FANCI: variants seen among roughly 807,000 people sequenced by gnomAD.
FANCI encodes the protein FA complementation group I.
A neutral mutation model predicts 176.1 loss-of-function variants in FANCI; 156 were observed. The observed-to-expected ratio is 0.89, with a 90% CI of 0.78 to 1.01. FANCI has a LOEUF of 1.01. FANCI is among the 50% of genes least tolerant of loss of function. The pLI is 0.00. For synonymous variants in FANCI, 613 were observed against 541.7 expected (o/e 1.13, Z -1.83); for missense variants, 1,678 against 1,534.1 (o/e 1.09, Z -1.57).
At chr15:89,308,727 C>G (rs544684040) in intron 34 of FANCI, among the ~76,000 whole-genome samples, 73 of 152,188 alleles carry the variant, frequency 4.8e-4, no homozygotes, top group African/African-American at 1.7e-3. Context: ...GGTGGATCAC[C>G]TGAGGTCAGG....
Position 89,305,585 on chromosome 15 carries a change from C to G in FANCI, c.3256-20C>G, listed in dbSNP as rs1190393680. ...CACAGCTGTGTGTAGTGAATCACAC[C>G]AGGCACTCTTTTCTTTCAGTTACTT... On this transcript the variant is annotated intron_variant, in intron 30 of 37. Coordinates refer to ENST00000310775, the MANE Select transcript of FANCI (RefSeq NM_001113378.2). The G allele has an allele frequency of 6.2e-7, 1 of 1,612,830 alleles. No individual in the cohort carries two copies. The highest frequency in any genetic ancestry group is 1.1e-5 in the South Asian group (1 of 91,032).
In FANCI at chr15:89,315,308, C is replaced by T; in HGVS notation, c.3843C>T (p.Leu1281=). Residue 1281 remains leucine, a synonymous_variant, in exon 37 of 38, where the codon CTC becomes CTT. Transcript: ENST00000310775. ...TGAACCTGATGCAGCACATGAAGCT[C>T]AGCACCTCACGAGACTTCAAGATCA... is the stretch of plus-strand genomic sequence containing the variant. ...SKVNLMQHMK[L]STSRDFKIKG... is the part of the protein sequence containing the mutation. The T allele has an allele frequency of 6.2e-7, 1 of 1,613,792 alleles. No homozygotes were observed. Among genetic ancestry groups the T allele is most frequent in the Non-Finnish European group, 8.5e-7 (1 of 1,179,662 alleles).
At chr15:89,253,746 A>G (rs1363108211) in intron 2 of FANCI, among the ~76,000 whole-genome samples, 1 of 141,284 alleles carries the variant, frequency 7.1e-6, no homozygotes, top group East Asian at 2.4e-4. Flanking sequence ...GTAACGTATC[A>G]CAGAAAAAGG....
intron 28 of FANCI, among the ~76,000 whole-genome samples, chr15:89,304,672 G>A (rs1423829976): frequency 1.3e-5 from 2 of 152,142 alleles, no homozygotes; most frequent in Non-Finnish European, 2.9e-5. Context: ...GTAACACTGG[G>A]ATGTTGTGCC....
Position 89,266,489 on chromosome 15 carries a change from C to T in FANCI, c.755+1882C>T, listed in dbSNP as rs140660726. 7.9e-5 allele frequency among the ~76,000 whole-genome samples: 12 copies of T among 151,828 alleles called. 1 individual carries two copies. In the South Asian group the frequency reaches 1.3e-3, roughly 16 times the overall value. ...GGTTACAGGTGCGTGCCACCACGCC[C>T]GGCTACTTTTTGTATTTTTAGTAGA... On this transcript the variant is annotated intron_variant, in intron 9 of 37. Coordinates refer to ENST00000310775, the MANE Select transcript of FANCI (RefSeq NM_001113378.2).
At chr15:89,304,976 A>G (rs2054661345) in intron 28 of FANCI, 139 bp from the exon 29 acceptor site, 5 of 883,732 alleles carry the variant, frequency 5.7e-6, no homozygotes, top group South Asian at 4.0e-5. Context: ...GGGTTTCTCC[A>G]TGTTGGTGAG....
At chr15:89,273,099 A>G (rs2053260774) in intron 10 of FANCI, among the ~76,000 whole-genome samples, 1 of 152,020 alleles carries the variant, frequency 6.6e-6, no homozygotes, top group Admixed American at 6.6e-5. Context: ...CAGGAGTTTG[A>G]GACTCTCCTG....
chr15:89,271,202 A>G (rs2053187454), intron 10 of FANCI, among the ~76,000 whole-genome samples: 1 of 152,060 alleles, frequency 6.6e-6, no homozygotes, highest in Admixed American at 6.6e-5. Flanking sequence ...TAAGCATGCA[A>G]TCCAGTGATT....
rs1247107200 is a variant in FANCI at position 89,314,659 on chromosome 15, C to T, written c.3768C>T (p.Ala1256=). 6.2e-7 allele frequency: 1 copy of T among 1,614,170 alleles called. No homozygotes were observed. The highest frequency in any genetic ancestry group is 1.1e-5 in the South Asian group (1 of 91,082). ...ETKPIPNLIF[A]IEQYEKFLIH... ...AGCCAATCCCTAACCTCATCTTTGC[C>T]ATAGAACAGTATGAAAAATTTCTCA... Residue 1256 remains alanine, a synonymous_variant, in exon 36 of 38, where the codon GCC becomes GCT. Coordinates refer to ENST00000310775, the MANE Select transcript of FANCI (RefSeq NM_001113378.2).
chr15:89,281,060 C>T, intron 14 of FANCI, 110 bp from the exon 15 acceptor site: 5 of 1,130,976 alleles, frequency 4.4e-6, no homozygotes, highest in Non-Finnish European at 6.5e-6. Context: ...GTATACTTGA[C>T]TTATTTGAGA....
chr15:89,314,220 C>T (rs771358927), intron 35 of FANCI, among the ~76,000 whole-genome samples: 13 of 152,036 alleles, frequency 8.6e-5, no homozygotes, highest in Non-Finnish European at 1.3e-4. Flanking sequence ...TTACAATTCA[C>T]GTTAGGGGGA....
intron 7 of FANCI, 140 bp from the exon 8 acceptor site, chr15:89,263,763 T>A (rs1414100367): frequency 8.9e-6 from 9 of 1,006,162 alleles, no homozygotes; most frequent in Admixed American, 2.2e-5. Context: ...TAATCTATTA[T>A]CTCTTTAATT....
At chr15:89,260,942 C>G in intron 4 of FANCI, 99 bp downstream of exon 4, 1 of 1,427,804 alleles carries the variant, frequency 7.0e-7, no homozygotes, top group Non-Finnish European at 9.8e-7. Flanking sequence ...TAGCATAGTC[C>G]TTATTTATGA....
intron 13 of FANCI, among the ~76,000 whole-genome samples, chr15:89,277,718 A>T (rs1268678164): frequency 2.0e-5 from 3 of 152,078 alleles, no homozygotes; most frequent in Non-Finnish European, 4.4e-5. Context: ...ATTATCACTG[A>T]CATCTCAATC....
At chr15:89,312,847 A>G (rs1008105940) in intron 34 of FANCI, 57 bp from the exon 35 acceptor site, 3 of 1,388,780 alleles carry the variant, frequency 2.2e-6, no homozygotes, top group Non-Finnish European at 3.0e-6. Context: ...TAGCACTAGC[A>G]TGCTAGCTCC....
chr15:89,253,570 A>G (rs1033830821), intron 2 of FANCI, among the ~76,000 whole-genome samples: 4 of 151,948 alleles, frequency 2.6e-5, no homozygotes, highest in Non-Finnish European at 4.4e-5. Flanking sequence ...GAAAACATGG[A>G]TGAATTTCTC....
rs2054197357 is a variant in FANCI at position 89,294,943 on chromosome 15, C to G, written c.2485C>G (p.Leu829Val). 1 of 1,552,300 alleles carries G rather than the reference C, an allele frequency of 6.4e-7. No homozygotes were observed. Among genetic ancestry groups the G allele is most frequent in the Non-Finnish European group, 8.7e-7 (1 of 1,147,124 alleles). The change falls in exon 24 of 38, where the codon CTT (leucine) becomes GTT (valine). Residue 829 changes from leucine to valine, a missense_variant. Physicochemically the swap from Leu to Val is conservative, Grantham distance 32. Coordinates refer to ENST00000310775, the MANE Select transcript of FANCI (RefSeq NM_001113378.2). Reference protein sequence around the residue: ...RDSIQSHQESLSVLRSSNEFM... With the variant: ...RDSIQSHQESVSVLRSSNEFM... ...TAGTATCCAAAGCCACCAAGAAAGCCTTTCTGTTCTCAGGTCCAGCAATGA... is the reference window on the plus strand; with the variant it reads ...TAGTATCCAAAGCCACCAAGAAAGCGTTTCTGTTCTCAGGTCCAGCAATGA...
chr15:89,299,288 A>G (rs2054439965), intron 24 of FANCI, among the ~76,000 whole-genome samples: 1 of 152,334 alleles, frequency 6.6e-6, no homozygotes, highest in Middle Eastern at 3.4e-3. Context: ...CTTAAGATCT[A>G]GGTCTATTCC....
chr15:89,276,340 G>A (rs922320061), intron 12 of FANCI, among the ~76,000 whole-genome samples: 1 of 152,208 alleles, frequency 6.6e-6, no homozygotes, highest in African/African-American at 2.4e-5. Flanking sequence ...GAGAATCTCT[G>A]TCTTTGGAGG....
Sources: gnomAD v4.1 joint callset for allele counts (sites outside exome capture counted in the v4.1 genomes callset) on GRCh38, gnomAD v4.1.1 for gene constraint, MANE v1.5 for transcripts, NCBI Gene and HGNC (gene_info 2026-07-23, HGNC 2026-07-21) for gene names.